Variants in GRID2 observed in about 807,000 individuals in gnomAD.
The protein encoded by GRID2 is glutamate receptor ionotropic, delta-2.
GRID2 carries 33 observed loss-of-function variants against 114.8 expected under a neutral mutation model. The observed-to-expected ratio is 0.29, with a 90% confidence interval of 0.22 to 0.38. The LOEUF (loss-of-function observed/expected upper bound fraction) is 0.38. GRID2 is among the 10% of genes least tolerant of loss of function. The pLI, the probability that GRID2 is intolerant of heterozygous loss-of-function variation, is 1.00. For synonymous variants in GRID2, 505 were observed against 449.9 expected (o/e 1.12, Z -1.55); for missense variants, 1,184 against 1,257.7 (o/e 0.94, Z 0.89).
At chr4:92,521,392 C>A (rs1161562656) in intron 1 of GRID2, among the ~76,000 whole-genome samples, 1 of 151,844 alleles carries the variant, frequency 6.6e-6, no homozygotes, top group African/African-American at 2.4e-5. Flanking sequence ...AGATTTGCTA[C>A]ATTTTAATAG....
intron 8 of GRID2, among the ~76,000 whole-genome samples, chr4:93,285,744 T>C (rs1158592607): frequency 3.9e-5 from 6 of 152,066 alleles, no homozygotes; most frequent in Non-Finnish European, 7.4e-5. Context: ...TAAAATTCTG[T>C]CTTTTTAAAT....
chr4:93,553,352 G>A (rs957760109), intron 13 of GRID2, among the ~76,000 whole-genome samples: 12 of 152,274 alleles, frequency 7.9e-5, no homozygotes, highest in Non-Finnish European at 1.3e-4. Context: ...TCTCATTGTG[G>A]TTTTGATTTG....
At chr4:92,612,202 T>C (rs1729788465) in intron 2 of GRID2, among the ~76,000 whole-genome samples, 1 of 151,516 alleles carries the variant, frequency 6.6e-6, no homozygotes, top group Non-Finnish European at 1.5e-5. Flanking sequence ...TAACCTGAAC[T>C]ATTTCTTAGA....
At chr4:93,677,969 C>A (rs201529613) in intron 14 of GRID2, among the ~76,000 whole-genome samples, 1 of 151,516 alleles carries the variant, frequency 6.6e-6, no homozygotes, top group Admixed American at 6.6e-5. Context: ...TTCAGACGAT[C>A]AAACTACTCC....
intron 8 of GRID2, among the ~76,000 whole-genome samples, chr4:93,351,363 C>A (rs1760789656): frequency 6.6e-6 from 1 of 151,980 alleles, no homozygotes; most frequent in South Asian, 2.1e-4. Context: ...AGCATCTGAT[C>A]CACAGCTTTG....
intron 2 of GRID2, among the ~76,000 whole-genome samples, chr4:92,604,382 T>C (rs989750840): frequency 3.3e-5 from 5 of 152,168 alleles, no homozygotes; most frequent in African/African-American, 4.8e-5. Flanking sequence ...GATTATGTCA[T>C]TTGCTGGGAC....
chr4:93,392,292 A>G (rs1238356085), intron 8 of GRID2, among the ~76,000 whole-genome samples: 1 of 152,160 alleles, frequency 6.6e-6, no homozygotes, highest in Non-Finnish European at 1.5e-5. Context: ...AACCACCTCC[A>G]CATAACCAGA....
intron 13 of GRID2, among the ~76,000 whole-genome samples, chr4:93,542,913 G>A (rs938211898): frequency 6.6e-6 from 1 of 152,140 alleles, no homozygotes. Context: ...AGCCATGCTT[G>A]CGTAGATCCT....
intron 2 of GRID2, among the ~76,000 whole-genome samples, chr4:92,649,050 A>AATATATATATATATATTATAT (rs1553912272): frequency 2.1e-3 from 1 of 476 alleles, no homozygotes; most frequent in Non-Finnish European, 7.2e-3. Flanking sequence ...ATATATATAT[A>AATATATATATATATATTATAT]ATATATATAT....
intron 2 of GRID2, among the ~76,000 whole-genome samples, chr4:92,692,093 C>A (rs1413620783): frequency 1.3e-5 from 2 of 152,042 alleles, no homozygotes; most frequent in African/African-American, 4.8e-5. Flanking sequence ...TATATTAGAG[C>A]CCCCTACCAA....
intron 11 of GRID2, among the ~76,000 whole-genome samples, chr4:93,473,697 A>G (rs1344928016): frequency 6.6e-6 from 1 of 152,164 alleles, no homozygotes; most frequent in Non-Finnish European, 1.5e-5. Context: ...AAGGTATAAA[A>G]TAATACCATG....
intron 14 of GRID2, among the ~76,000 whole-genome samples, chr4:93,741,645 TGGCC>T (rs1731427493): frequency 6.6e-6 from 1 of 152,190 alleles, no homozygotes. Flanking sequence ...TTAAAAGTGT[TGGCC>T]GAGCACAGTG....
intron 2 of GRID2, among the ~76,000 whole-genome samples, chr4:92,683,066 A>G (rs551187830): frequency 3.9e-5 from 6 of 152,042 alleles, no homozygotes; most frequent in East Asian, 1.9e-4. Flanking sequence ...TTGGGAGGCC[A>G]AGGCGGGCGG....
intron 2 of GRID2, among the ~76,000 whole-genome samples, chr4:92,817,452 A>G (rs1307422475): frequency 6.6e-6 from 1 of 152,110 alleles, no homozygotes; most frequent in South Asian, 2.1e-4. Context: ...TGACCTTACC[A>G]AAACCTTTAA....
chr4:92,863,523 A>G (rs1477106162), intron 2 of GRID2, among the ~76,000 whole-genome samples: 1 of 152,114 alleles, frequency 6.6e-6, no homozygotes, highest in Non-Finnish European at 1.5e-5. Context: ...CAGCCTGCTC[A>G]TCTACTCTTC....
At chr4:92,916,376 A>C (rs549144044) in intron 2 of GRID2, among the ~76,000 whole-genome samples, 1 of 152,264 alleles carries the variant, frequency 6.6e-6, no homozygotes, top group African/African-American at 2.4e-5. Flanking sequence ...TTTTTAAATT[A>C]TACTTTAAGA....
intron 12 of GRID2, among the ~76,000 whole-genome samples, chr4:93,505,601 T>C (rs1383140867): frequency 6.7e-6 from 1 of 148,694 alleles, no homozygotes; most frequent in Non-Finnish European, 1.5e-5. Flanking sequence ...TATATTATAA[T>C]ATATATTTTA....
intron 1 of GRID2, among the ~76,000 whole-genome samples, chr4:92,569,149 T>G (rs139065567): frequency 0.014 from 2,084 of 152,100 alleles, 17 homozygotes; most frequent in Non-Finnish European, 0.021. Context: ...CAGGCCCCAG[T>G]GTATCTTGCT....
intron 13 of GRID2, among the ~76,000 whole-genome samples, chr4:93,555,391 A>C (rs915256660): frequency 5.3e-5 from 8 of 152,172 alleles, no homozygotes; most frequent in Non-Finnish European, 8.8e-5. Context: ...CAGAAGTCTC[A>C]AGTCGACCTG....
Sources: gnomAD v4.1 joint callset for allele counts (sites outside exome capture counted in the v4.1 genomes callset) on GRCh38, gnomAD v4.1.1 for gene constraint, MANE v1.5 for transcripts, NCBI Gene and HGNC (gene_info 2026-07-23, HGNC 2026-07-21) for gene names.